SMPD4: variants seen among roughly 807,000 people sequenced by gnomAD.
The protein encoded by SMPD4 is neutral sphingomyelinase 3.
A neutral mutation model predicts 97.8 loss-of-function variants in SMPD4; 58 were observed. The ratio of observed to expected loss-of-function variants is 0.59; its 90% CI spans 0.48 to 0.74. The LOEUF is 0.74. SMPD4 is among the 30% of genes least tolerant of loss of function. The pLI is 0.00. For missense variants in SMPD4, 853 were observed against 1,080.5 expected (o/e 0.79, Z 2.95); for synonymous variants, 388 against 450.0 (o/e 0.86, Z 1.74).
At chr2:130,160,774 AG>A (rs1392615005) in intron 11 of SMPD4, among the ~76,000 whole-genome samples, 2 of 152,024 alleles carry the variant, frequency 1.3e-5, no homozygotes, top group Non-Finnish European at 2.9e-5. Context: ...CGTAAGTCCC[AG>A]GCCTCTGCGT....
chr2:130,180,966 T>C (rs533221958), intron 1 of SMPD4, among the ~76,000 whole-genome samples: 1 of 152,344 alleles, frequency 6.6e-6, no homozygotes, highest in Admixed American at 6.5e-5. Context: ...CTCCAGGAGC[T>C]GCTTCGGACC....
At position 130,174,936 on chromosome 2, in the gene SMPD4, A is replaced by G; in HGVS notation, c.104T>C (p.Val35Ala). The G allele has an allele frequency of 6.2e-7, 1 of 1,608,040 alleles. No homozygotes were observed. Among genetic ancestry groups the G allele is most frequent in the Non-Finnish European group, 8.5e-7 (1 of 1,174,784 alleles). ...TACCTTTGCTGGAAAGTCCTCAATG[A>G]CTTTAACCAAGTCTTGGCACTGCTG... ...FAQQCQDLVK[V>A]IEDFPAKELH... Residue 35 changes from valine (V) to alanine (A), a missense_variant, in exon 3 of 20, where the codon GTC becomes GCC. Physicochemically the swap from Val to Ala is moderately conservative, Grantham distance 64 (BLOSUM62 0). This residue lies in a region of SMPD4 where 313 missense variants were observed against 402.2 expected (regional missense o/e 0.78). Coordinates refer to ENST00000680298, the MANE Select transcript of SMPD4 (RefSeq NM_017951.5).
intron 8 of SMPD4, among the ~76,000 whole-genome samples, chr2:130,168,021 T>A (rs1397595532): frequency 1.3e-5 from 2 of 151,980 alleles, no homozygotes; most frequent in African/African-American, 4.8e-5. Context: ...GGCAACAAAA[T>A]GAGAACCTAT....
intron 19 of SMPD4, 67 bp downstream of exon 19, chr2:130,152,976 T>C (rs1317142654): frequency 2.6e-6 from 4 of 1,567,030 alleles, no homozygotes; most frequent in African/African-American, 2.7e-5. Flanking sequence ...ACCCCAGGAC[T>C]GCACCCCAGG....
intron 2 of SMPD4, among the ~76,000 whole-genome samples, 180 bp from the exon 3 acceptor site, chr2:130,175,180 G>A (rs889743378): frequency 6.6e-5 from 10 of 152,058 alleles, no homozygotes; most frequent in African/African-American, 2.4e-4. Context: ...ACTAGGAGAG[G>A]CCGTAGTTCT....
At chr2:130,179,352 A>T (rs1487933891) in intron 1 of SMPD4, among the ~76,000 whole-genome samples, 1 of 151,778 alleles carries the variant, frequency 6.6e-6, no homozygotes, top group Non-Finnish European at 1.5e-5. Flanking sequence ...CGATCTCCTG[A>T]CCTCGTGATC....
intron 2 of SMPD4, among the ~76,000 whole-genome samples, chr2:130,175,344 G>A (rs910103362): frequency 6.6e-6 from 1 of 151,994 alleles, no homozygotes; most frequent in Admixed American, 6.6e-5. Context: ...ACTGTGTAAG[G>A]GCACCCCTCA....
rs1687472542 is a variant in SMPD4 at position 130,162,021 on chromosome 2, C to T, written c.865-749G>A. Among the ~76,000 whole-genome samples the T allele has an allele frequency of 2.0e-5, 3 of 152,262 alleles. 1 individual carries two copies. Among genetic ancestry groups the T allele is most frequent in the South Asian group, 4.1e-4 (2 of 4,838 alleles). ...GACGAGGAGCACAGGCTCAGGCCAC[C>T]AGGCCCTGCCCTCCACCCTCATAGT... On this transcript the variant is annotated intron_variant, in intron 10 of 19. Transcript: ENST00000680298.
intron 11 of SMPD4, among the ~76,000 whole-genome samples, chr2:130,160,514 T>C (rs1687287508): frequency 6.6e-6 from 1 of 152,224 alleles, no homozygotes; most frequent in South Asian, 2.1e-4. Flanking sequence ...ACACTTGTCA[T>C]TTCTGCCTAG....
At chr2:130,156,558 C>G in intron 13 of SMPD4, 27 bp downstream of exon 13, 1 of 1,604,292 alleles carries the variant, frequency 6.2e-7, no homozygotes, top group Non-Finnish European at 8.5e-7. Context: ...AGGACACAGG[C>G]ACACGTGTGA....
intron 15 of SMPD4, chr2:130,154,811 G>C (rs1686608366): frequency 1.7e-6 from 1 of 597,790 alleles, no homozygotes; most frequent in South Asian, 2.0e-5. Flanking sequence ...GAGTTGCCAG[G>C]GAGAAACAGC....
chr2:130,155,887 C>A, intron 14 of SMPD4, 148 bp downstream of exon 14: 1 of 698,672 alleles, frequency 1.4e-6, no homozygotes, highest in Non-Finnish European at 2.4e-6. Flanking sequence ...GTGTTCCGCT[C>A]GGCAGGGGCT....
chr2:130,180,380 C>A (rs1689439827), intron 1 of SMPD4, among the ~76,000 whole-genome samples: 3 of 150,676 alleles, frequency 2.0e-5, no homozygotes, highest in African/African-American at 7.3e-5. Flanking sequence ...GCAAGCAATT[C>A]TCTTACTCAG....
At chr2:130,173,181 A>G (rs928331681) in intron 5 of SMPD4, 98 bp downstream of exon 5, 193 of 1,221,972 alleles carry the variant, frequency 1.6e-4, no homozygotes, top group Non-Finnish European at 2.1e-4. Context: ...ATCGCTCCTC[A>G]ATTTGCCCTC....
chr2:130,174,001 A>T (rs1309921478), intron 3 of SMPD4, among the ~76,000 whole-genome samples: 1 of 152,120 alleles, frequency 6.6e-6, no homozygotes, highest in African/African-American at 2.4e-5. Flanking sequence ...AAAATAAAAA[A>T]ATATAAAATA....
At chr2:130,180,284 C>T (rs1291528287) in intron 1 of SMPD4, among the ~76,000 whole-genome samples, 1 of 147,652 alleles carries the variant, frequency 6.8e-6, no homozygotes, top group Admixed American at 6.8e-5. Flanking sequence ...TTTCTTTTTT[C>T]AGACGGAGTC....
chr2:130,157,548 G>C, intron 11 of SMPD4, 152 bp from the exon 12 acceptor site: 2 of 1,427,598 alleles, frequency 1.4e-6, no homozygotes, highest in South Asian at 2.8e-5. Flanking sequence ...ACCCCATGGG[G>C]CACCACTGTG....
Position 130,172,854 on chromosome 2 carries a change from G to A in SMPD4, c.387C>T (p.Asp129=). Residue 129 remains aspartate, a synonymous_variant, in exon 6 of 20, where the codon GAC becomes GAT. Coordinates refer to ENST00000680298, the MANE Select transcript of SMPD4 (RefSeq NM_017951.5). ...GGACCTTGTTGTGGTACAGAGGACT[G>A]TCAGGGAGGATGCACTCCTGGATGG... ...KASIQECILP[D]SPLYHNKVQF... is the part of the protein sequence containing the mutation. 6.2e-7 allele frequency: 1 copy of A among 1,614,004 alleles called. No homozygotes were observed. Among genetic ancestry groups the A allele is most frequent in the Non-Finnish European group, 8.5e-7 (1 of 1,179,942 alleles).
Position 130,173,672 on chromosome 2 carries a change from G to T in SMPD4, c.127-16C>A. 1 of 1,613,700 alleles carries T rather than the reference G, an allele frequency of 6.2e-7. No homozygotes were observed. On this transcript the variant is annotated splice_polypyrimidine_tract_variant and intron_variant, in intron 3 of 19. Transcript: ENST00000680298. ...TGTGCAGCTCCTGAAACAATGTGTG[G>T]TGAAGCCGCGTGCAGGACCAGCACC...
Sources: gnomAD v4.1 joint callset for allele counts (sites outside exome capture counted in the v4.1 genomes callset) on GRCh38, gnomAD v4.1.1 for gene constraint, gnomAD v4.1.1 regional missense constraint, MANE v1.5 for transcripts, NCBI Gene and HGNC (gene_info 2026-07-23, HGNC 2026-07-21) for gene names.